Variants in BRINP3 observed in about 807,000 individuals in gnomAD.
BRINP3 encodes BMP/retinoic acid-inducible neural-specific protein 3.
BRINP3 carries 19 observed loss-of-function variants against 71.0 expected under a neutral mutation model. That is an observed-to-expected ratio of 0.27 (90% confidence interval 0.19 to 0.39). The LOEUF (loss-of-function observed/expected upper bound fraction) is 0.39. Among genes scored for constraint, BRINP3 ranks in the 10% least tolerant of loss-of-function variants. The pLI is 1.00. For synonymous variants in BRINP3, 380 were observed against 337.7 expected, an observed-to-expected ratio of 1.13 and a Z score of -1.37; for missense variants, 959 against 940.8, an observed-to-expected ratio of 1.02 and a Z score of -0.25.
At chr1:190,317,655 T>C (rs559321018) in intron 2 of BRINP3, among the ~76,000 whole-genome samples, 11 of 152,118 alleles carry the variant, frequency 7.2e-5, no homozygotes, top group Non-Finnish European at 1.5e-4. Context: ...AAAATCACAA[T>C]GAACAATTAT....
At chr1:190,119,298 G>C (rs1398605794) in intron 7 of BRINP3, among the ~76,000 whole-genome samples, 1 of 151,470 alleles carries the variant, frequency 6.6e-6, no homozygotes, top group Middle Eastern at 3.2e-3. Context: ...ATTATTTTGA[G>C]ATGGAGTCTC....
intron 4 of BRINP3, among the ~76,000 whole-genome samples, chr1:190,252,757 G>T (rs1055583947): frequency 6.6e-6 from 1 of 151,792 alleles, no homozygotes; most frequent in Non-Finnish European, 1.5e-5. Context: ...ATGTTGCATA[G>T]CACTTTCAGA....
intron 7 of BRINP3, among the ~76,000 whole-genome samples, chr1:190,136,741 A>G (rs1010762878): frequency 6.6e-6 from 1 of 152,108 alleles, no homozygotes; most frequent in African/African-American, 2.4e-5. Context: ...ATTTTTACTC[A>G]TAAATAAATA....
intron 2 of BRINP3, among the ~76,000 whole-genome samples, chr1:190,368,140 G>A (rs1571876520): frequency 2.0e-5 from 3 of 152,232 alleles, no homozygotes; most frequent in African/African-American, 7.2e-5. Context: ...ACTAATAAAG[G>A]AAAGGGGTTT....
chr1:190,415,508 C>A (rs12082492), intron 2 of BRINP3, among the ~76,000 whole-genome samples: 25,339 of 152,058 alleles, frequency 0.17, 2,200 homozygotes, highest in Middle Eastern at 0.22. Context: ...CATCAGGGAA[C>A]AACTTTTATC....
At chr1:190,148,914 A>G (rs1656148192) in intron 7 of BRINP3, among the ~76,000 whole-genome samples, 2 of 152,140 alleles carry the variant, frequency 1.3e-5, no homozygotes, top group Admixed American at 6.6e-5. Flanking sequence ...GATAAACCTG[A>G]GAAATAACAT....
intron 6 of BRINP3, among the ~76,000 whole-genome samples, chr1:190,172,628 G>A (rs1652120358): frequency 6.6e-6 from 1 of 152,110 alleles, no homozygotes; most frequent in South Asian, 2.1e-4. Flanking sequence ...TCATTAGTCT[G>A]AAGCTGGTAC....
intron 1 of BRINP3, among the ~76,000 whole-genome samples, chr1:190,472,571 T>G (rs76732582): frequency 2.0e-5 from 3 of 151,768 alleles, no homozygotes; most frequent in Non-Finnish European, 3.0e-5. Flanking sequence ...ACAAAATGTT[T>G]CAGACTCTTA....
At chr1:190,435,901 G>A (rs1674424288) in intron 2 of BRINP3, among the ~76,000 whole-genome samples, 1 of 151,896 alleles carries the variant, frequency 6.6e-6, no homozygotes, top group African/African-American at 2.4e-5. Context: ...ACTTCCCATA[G>A]CCTTTGAGCT....
intron 1 of BRINP3, among the ~76,000 whole-genome samples, chr1:190,457,930 A>G (rs1382116642): frequency 6.6e-6 from 1 of 151,958 alleles, no homozygotes; most frequent in Non-Finnish European, 1.5e-5. Flanking sequence ...AAAAAAAAAA[A>G]AAACTATATT....
intron 7 of BRINP3, among the ~76,000 whole-genome samples, chr1:190,133,209 C>T (rs1171895622): frequency 2.0e-5 from 3 of 152,062 alleles, no homozygotes; most frequent in African/African-American, 7.2e-5. Flanking sequence ...TATAGTAAGA[C>T]TATACTTGTA....
chr1:190,474,211 C>T (rs1351082544), intron 1 of BRINP3, among the ~76,000 whole-genome samples: 7 of 152,170 alleles, frequency 4.6e-5, no homozygotes, highest in Admixed American at 4.6e-4. Flanking sequence ...AATAAATGCA[C>T]ACTAAGCAGT....
intron 6 of BRINP3, among the ~76,000 whole-genome samples, chr1:190,219,619 C>T (rs1443832604): frequency 6.6e-6 from 1 of 151,856 alleles, no homozygotes; most frequent in Non-Finnish European, 1.5e-5. Flanking sequence ...GTGGGTGGAT[C>T]ACGAGGTCAA....
intron 2 of BRINP3, among the ~76,000 whole-genome samples, chr1:190,370,341 T>C (rs1018445836): frequency 6.6e-6 from 1 of 152,072 alleles, no homozygotes; most frequent in Non-Finnish European, 1.5e-5. Flanking sequence ...AACAAGTCTA[T>C]AGAAATAAAT....
intron 4 of BRINP3, among the ~76,000 whole-genome samples, chr1:190,246,944 G>C (rs1043032910): frequency 1.3e-5 from 2 of 151,902 alleles, no homozygotes; most frequent in African/African-American, 4.8e-5. Context: ...ACATCTAAAA[G>C]AATGAAAATT....
intron 2 of BRINP3, among the ~76,000 whole-genome samples, chr1:190,354,028 C>A (rs939637004): frequency 2.6e-5 from 4 of 151,918 alleles, no homozygotes; most frequent in African/African-American, 9.7e-5. Flanking sequence ...ACTTAACAAG[C>A]CACTTAAACA....
intron 1 of BRINP3, among the ~76,000 whole-genome samples, chr1:190,470,216 C>G (rs868290091): frequency 6.6e-6 from 1 of 151,080 alleles, no homozygotes; most frequent in Middle Eastern, 3.4e-3. Flanking sequence ...TCCTGATGAG[C>G]TTGGCTAATA....
chr1:190,344,853 C>A (rs1038258157), intron 2 of BRINP3, among the ~76,000 whole-genome samples: 5 of 151,728 alleles, frequency 3.3e-5, no homozygotes, highest in African/African-American at 1.2e-4. Context: ...ACCTATATGC[C>A]ATCAACGACC....
intron 5 of BRINP3, among the ~76,000 whole-genome samples, chr1:190,232,115 A>T (rs975166124): frequency 4.6e-5 from 7 of 152,002 alleles, no homozygotes; most frequent in African/African-American, 1.7e-4. Flanking sequence ...AACTATCTAT[A>T]TCTATTTATC....
Sources: gnomAD v4.1 joint callset for allele counts (sites outside exome capture counted in the v4.1 genomes callset) on GRCh38, gnomAD v4.1.1 for gene constraint, MANE v1.5 for transcripts, NCBI Gene and HGNC (gene_info 2026-07-23, HGNC 2026-07-21) for gene names.